The following RELL1 variants were observed in gnomAD, a reference collection of about 807,000 sequenced individuals.
The protein encoded by RELL1 is RELT like 1, also known as RELT-like protein 1.
Under a neutral mutation model 23.0 loss-of-function variants are expected in RELL1, and 10 were observed. The ratio of observed to expected loss-of-function variants is 0.43; its 90% CI spans 0.27 to 0.74. RELL1 has a LOEUF of 0.74. Among genes scored for constraint, RELL1 ranks in the 30% least tolerant of loss-of-function variants. RELL1 has a pLI of 0.19. For missense variants in RELL1, 315 were observed against 364.4 expected, an observed-to-expected ratio of 0.86 and a Z score of 1.10; for synonymous variants, 146 against 146.8, an observed-to-expected ratio of 0.99 and a Z score of 0.04.
At chr4:37,627,545 G>T (rs1719992726) in intron 6 of RELL1, among the ~76,000 whole-genome samples, 1 of 152,160 alleles carries the variant, frequency 6.6e-6, no homozygotes, top group African/African-American at 2.4e-5. Flanking sequence ...ACAAAGCAGG[G>T]TTAGACGAAT....
At chr4:37,596,494 AC>A (rs1365974991) in intron 6 of RELL1, among the ~76,000 whole-genome samples, 2 of 151,278 alleles carry the variant, frequency 1.3e-5, no homozygotes, top group Admixed American at 6.6e-5. Context: ...TACTGCACAC[AC>A]CCTTAATATA....
Position 37,621,029 on chromosome 4 carries a change from C to T in RELL1, c.*4-7687G>A, listed in dbSNP as rs187416563. Among the ~76,000 whole-genome samples the T allele has an allele frequency of 1.4e-3, 218 of 152,256 alleles. 1 individual carries two copies. Among genetic ancestry groups the T allele is most frequent in the Non-Finnish European group, 1.6e-3 (111 of 68,020 alleles). ...AAAAAGTGACAGCCAAGATCTTGAGCGCAAGAAGTCTGATTCCAGAACCTC... is the reference window on the plus strand; with the variant it reads ...AAAAAGTGACAGCCAAGATCTTGAGTGCAAGAAGTCTGATTCCAGAACCTC... On this transcript the variant is annotated intron_variant, in intron 6 of 6. Coordinates refer to ENST00000454158, the MANE Select transcript of RELL1 (RefSeq NM_001085400.2).
intron 6 of RELL1, chr4:37,623,133 C>T: frequency 3.2e-6 from 1 of 309,266 alleles, no homozygotes. Flanking sequence ...ATAATTGTAC[C>T]TCCATTGATC....
intron 6 of RELL1, among the ~76,000 whole-genome samples, chr4:37,598,078 AAT>A (rs138367525): frequency 0.021 from 2,710 of 126,726 alleles, 117 homozygotes; most frequent in African/African-American, 0.075. Context: ...TATATATCAT[AAT>A]ATATATATAT....
At chr4:37,650,430 A>G (rs145921163) in intron 1 of RELL1, among the ~76,000 whole-genome samples, 220 of 152,306 alleles carry the variant, frequency 1.4e-3, no homozygotes, top group African/African-American at 4.6e-3. Context: ...GTGATGAACA[A>G]CGTAACGTAG....
intron 1 of RELL1, among the ~76,000 whole-genome samples, chr4:37,660,858 C>G (rs540897129): frequency 2.6e-5 from 4 of 152,024 alleles, no homozygotes; most frequent in Non-Finnish European, 5.9e-5. Flanking sequence ...GGTGAAACCC[C>G]GTCTCTACTA....
chr4:37,660,806 C>T (rs1011221374), intron 1 of RELL1, among the ~76,000 whole-genome samples: 31 of 152,198 alleles, frequency 2.0e-4, no homozygotes, highest in African/African-American at 2.9e-4. Context: ...CCAAGGCGGG[C>T]AGATCACAAG....
chr4:37,667,709 G>A (rs897490076), intron 1 of RELL1, among the ~76,000 whole-genome samples: 1 of 151,092 alleles, frequency 6.6e-6, no homozygotes, highest in African/African-American at 2.4e-5. Flanking sequence ...ACATTTAAAA[G>A]TTACGTTCTT....
In RELL1 at chr4:37,669,295, G is replaced by T. The variant is rs528322449; in HGVS notation, c.88+16905C>A. Among the ~76,000 whole-genome samples the T allele has an allele frequency of 2.3e-4, 33 of 142,754 alleles. 1 individual carries two copies. The South Asian group carries it at 7.2e-3, about 31-fold the overall frequency. The allele number at this position is 142,754 out of a possible 152,430, so 93.7% of individuals were successfully genotyped here. ...CGGGAGGTGAGGGGAGCCTCTGCCC[G>T]GCCGCCTCTACTGGGAAGTGAGGAG... On this transcript the variant is annotated intron_variant, in intron 1 of 6. Transcript: ENST00000454158.
At chr4:37,630,356 G>GGT (rs1720079273) in intron 6 of RELL1, among the ~76,000 whole-genome samples, 2 of 86,734 alleles carry the variant, frequency 2.3e-5, no homozygotes, top group Non-Finnish European at 4.3e-5. Context: ...TGTGTGTGTG[G>GGT]TTTTTTTTTT....
At chr4:37,682,711 T>C (rs146576462) in intron 1 of RELL1, among the ~76,000 whole-genome samples, 1 of 152,300 alleles carries the variant, frequency 6.6e-6, no homozygotes, top group East Asian at 1.9e-4. Context: ...ACACTATATA[T>C]TATGTGGATG....
chr4:37,679,816 G>A (rs1483188900), intron 1 of RELL1, among the ~76,000 whole-genome samples: 6 of 152,014 alleles, frequency 3.9e-5, no homozygotes, highest in East Asian at 1.9e-4. Flanking sequence ...TTAGCTGGGC[G>A]TGGTGCATGC....
At chr4:37,628,409 G>A (rs1484654193) in intron 6 of RELL1, among the ~76,000 whole-genome samples, 3 of 152,058 alleles carry the variant, frequency 2.0e-5, no homozygotes, top group African/African-American at 7.2e-5. Flanking sequence ...GCTAATACAC[G>A]GAATGTGCCT....
At chr4:37,604,854 CACACACACACAGACACACACACACAT>C (rs1719131171) in intron 6 of RELL1, among the ~76,000 whole-genome samples, 1 of 59,692 alleles carries the variant, frequency 1.7e-5, no homozygotes, top group African/African-American at 5.5e-5. Flanking sequence ...CACACACAGA[CACACACACACAGACACACACACACAT>C]ACACACAGAC....
rs1000029752 is a variant in RELL1 at position 37,611,878 on chromosome 4, G to A, written c.*1468C>T. On this transcript the variant is annotated 3_prime_UTR_variant, in exon 7 of 7. Transcript: ENST00000454158. ...AGGTAGGTGCAGGCCCATCTTATAT[G>A]AGAAGCAGGGTTCTAGGCCGGGCGC... Among the ~76,000 whole-genome samples, 3 of 152,094 alleles carry A rather than the reference G, an allele frequency of 2.0e-5. No individual in the cohort carries two copies. The highest frequency in any genetic ancestry group is 1.3e-4 in the Admixed American group (2 of 15,264).
intron 6 of RELL1, among the ~76,000 whole-genome samples, chr4:37,628,211 T>C (rs1720015588): frequency 6.6e-6 from 1 of 152,176 alleles, no homozygotes; most frequent in Non-Finnish European, 1.5e-5. Flanking sequence ...TGGGACCTGC[T>C]CGTCTTGGAC....
At chr4:37,608,050 A>G (rs550150525), downstream of RELL1, among the ~76,000 whole-genome samples, 1 of 152,338 alleles carries the variant, frequency 6.6e-6, no homozygotes, top group Admixed American at 6.5e-5. Flanking sequence ...TTTTGGGATG[A>G]CATGAACTGT....
intron 1 of RELL1, among the ~76,000 whole-genome samples, chr4:37,684,055 G>A (rs60928678): frequency 0.057 from 8,742 of 152,192 alleles, 423 homozygotes; most frequent in South Asian, 0.19. Context: ...CAGCCTGGGC[G>A]ACAGAGCAAG....
intron 6 of RELL1, 78 bp downstream of exon 6, chr4:37,631,307 C>A: frequency 6.8e-7 from 1 of 1,469,314 alleles, no homozygotes; most frequent in South Asian, 1.4e-5. Flanking sequence ...TATGCTGCCA[C>A]AGCACCTGGG....
Sources: allele counts gnomAD v4.1 joint callset (sites outside exome capture counted in the v4.1 genomes callset), GRCh38; gene constraint gnomAD v4.1.1; transcripts MANE v1.5; gene names NCBI Gene and HGNC (gene_info 2026-07-23, HGNC 2026-07-21).